Variants in TNXB observed in about 807,000 individuals in gnomAD.
TNXB encodes the protein tenascin-X.
A neutral mutation model predicts 340.5 loss-of-function variants in TNXB; 183 were observed. The observed-to-expected ratio is 0.54, with a 90% CI of 0.48 to 0.61. TNXB has a LOEUF of 0.61. Among genes scored for constraint, TNXB ranks in the 20% least tolerant of loss-of-function variants. The pLI, the probability that TNXB is intolerant of heterozygous loss-of-function variation, is 0.00. For missense variants in TNXB, 4,613 were observed against 5,446.4 expected (o/e 0.85, Z 4.82); for synonymous variants, 2,121 against 2,314.5 (o/e 0.92, Z 2.40).
chr6:32,091,038 C>T (rs1292449975), intron 4 of TNXB, among the ~76,000 whole-genome samples: 1 of 152,198 alleles, frequency 6.6e-6, no homozygotes, highest in Non-Finnish European at 1.5e-5. Flanking sequence ...TGGGAACAGT[C>T]CCCTGAAAGT....
chr6:32,047,939 G>A lies in TNXB; in HGVS notation c.10119C>T (p.Leu3373=). ...VTDATPDSVG[L]SWTVPEGEFD... is the part of the protein sequence containing the mutation. ...ATTCGCCCTCAGGGACCGTCCACGA[G>A]AGGCCCACGGAGTCAGGGGTCGCAT... The change falls in exon 30 of 44, where the codon CTC becomes CTT. Residue 3373 remains leucine, a synonymous_variant. Coordinates refer to ENST00000644971, the MANE Select transcript of TNXB (RefSeq NM_001365276.2). The surrounding 1 kb of genome is among the most constrained non-coding windows in gnomAD (Gnocchi z 6.2). 6.2e-7 allele frequency: 1 copy of A among 1,612,420 alleles called. No individual in the cohort carries two copies.
chr6:32,100,236 C>T lies in TNXB; in HGVS notation c.-8-2030G>A, dbSNP rs918400783. 4.6e-5 allele frequency among the ~76,000 whole-genome samples: 7 copies of T among 152,092 alleles called. No homozygotes were observed. In the East Asian group the frequency reaches 1.2e-3, roughly 25 times the overall value. On this transcript the variant is annotated intron_variant, in intron 1 of 43. Transcript: ENST00000644971. Reference sequence around the variant, plus strand: ...TCTCCTACCTCAGCCTCCTGAGTAGCGGGGATTACAGGCATCTGCTCCCAC... The same window carrying T: ...TCTCCTACCTCAGCCTCCTGAGTAGTGGGGATTACAGGCATCTGCTCCCAC...
chr6:32,052,361 G>C lies in TNXB; in HGVS notation c.9115+309C>G, dbSNP rs1398176402. Among the ~76,000 whole-genome samples, 1 of 151,550 alleles carries C rather than the reference G, an allele frequency of 6.6e-6. No individual in the cohort carries two copies. Among genetic ancestry groups the C allele is most frequent in the African/African-American group, 2.4e-5 (1 of 41,204 alleles). On this transcript the variant is annotated intron_variant, in intron 26 of 43. Coordinates refer to ENST00000644971, the MANE Select transcript of TNXB (RefSeq NM_001365276.2). This position sits in a 1 kb window ranked among gnomAD's most constrained non-coding sequence, Gnocchi z 4.7. ...AGTTACTCAGGAGGCTGAGGTAGGAGAATCACTTGAACCCAGGAGGCGGAG... is the reference window on the plus strand; with the variant it reads ...AGTTACTCAGGAGGCTGAGGTAGGACAATCACTTGAACCCAGGAGGCGGAG...
intron 29 of TNXB, 74 bp from the exon 30 acceptor site, chr6:32,048,086 G>T: frequency 6.6e-7 from 1 of 1,518,566 alleles, no homozygotes; most frequent in Non-Finnish European, 8.9e-7. Context: ...GGCTGCTATG[G>T]CTCTGTGAGC....
At position 32,075,876 on chromosome 6, in the gene TNXB, G is replaced by A. The variant is rs966649231; in HGVS notation, c.4376-1924C>T. ...GTGGCTGGATGGGTGGGGCTCCCAA[G>A]AACTTGTTTCTCTGGCTTCCTCCGG... On this transcript the variant is annotated intron_variant, in intron 11 of 43. Coordinates refer to ENST00000644971, the MANE Select transcript of TNXB (RefSeq NM_001365276.2). This position sits in a 1 kb window ranked among gnomAD's most constrained non-coding sequence, Gnocchi z 4.6. 2.6e-5 allele frequency among the ~76,000 whole-genome samples: 4 copies of A among 152,074 alleles called. No homozygotes were observed. Among genetic ancestry groups the A allele is most frequent in the Non-Finnish European group, 5.9e-5 (4 of 68,036 alleles).
Position 32,064,452 on chromosome 6 carries a change from G to A in TNXB, c.6841+369C>T, listed in dbSNP as rs1778210130. On this transcript the variant is annotated intron_variant, in intron 19 of 43. Transcript: ENST00000644971. This position sits in a 1 kb window ranked among gnomAD's most constrained non-coding sequence, Gnocchi z 5.3. ...TGGTCTCGAACTCCTGACCTCAAGT[G>A]ATCTGCCCCCTTCGGCCTCCCAAAG... 6.6e-6 allele frequency among the ~76,000 whole-genome samples: 1 copy of A among 152,162 alleles called. No individual in the cohort carries two copies. Among genetic ancestry groups the A allele is most frequent in the Non-Finnish European group, 1.5e-5 (1 of 68,030 alleles).
Position 32,068,571 on chromosome 6 carries a change from C to G in TNXB, c.6039G>C (p.Gln2013His). ...LSLSWTVPEG[Q>H]FDHFLVQYRN... Reference sequence around the variant, plus strand: ...TGTACTGGACCAGGAAGTGGTCAAACTGTCCCTCGGGAACTGTCCAGGACA... The same window carrying G: ...TGTACTGGACCAGGAAGTGGTCAAAGTGTCCCTCGGGAACTGTCCAGGACA... Residue 2013 changes from glutamine to histidine, a missense_variant, in exon 17 of 44, where the codon CAG (glutamine) becomes CAC (histidine). Transcript: ENST00000644971. This position sits in a 1 kb window ranked among gnomAD's most constrained non-coding sequence, Gnocchi z 5.3. 2.5e-6 allele frequency: 4 copies of G among 1,614,014 alleles called. No individual in the cohort carries two copies. Among genetic ancestry groups the G allele is most frequent in the Non-Finnish European group, 3.4e-6 (4 of 1,179,902 alleles).
Position 32,060,347 on chromosome 6 carries a change from A to G in TNXB, c.7492+1050T>C, listed in dbSNP as rs1777933949. Among the ~76,000 whole-genome samples the G allele has an allele frequency of 1.3e-5, 2 of 151,690 alleles. 1 individual carries two copies. The highest frequency in any genetic ancestry group is 4.9e-5 in the African/African-American group (2 of 41,042). On this transcript the variant is annotated intron_variant, in intron 21 of 43. Coordinates refer to ENST00000644971, the MANE Select transcript of TNXB (RefSeq NM_001365276.2). Reference sequence around the variant, plus strand: ...AACTTCATCTCAAAAAAAAAAAAGAAGGAAATAAATGAAATAAGCCACAAG... The same window carrying G: ...AACTTCATCTCAAAAAAAAAAAAGAGGGAAATAAATGAAATAAGCCACAAG...
In TNXB at chr6:32,064,465, C is replaced by A. The variant is rs1250771206; in HGVS notation, c.6841+356G>T. 6.6e-6 allele frequency among the ~76,000 whole-genome samples: 1 copy of A among 152,154 alleles called. No homozygotes were observed. The highest frequency in any genetic ancestry group is 1.5e-5 in the Non-Finnish European group (1 of 68,024). Reference sequence around the variant, plus strand: ...CTGACCTCAAGTGATCTGCCCCCTTCGGCCTCCCAAAGTGCTGGGATTACA... The same window carrying A: ...CTGACCTCAAGTGATCTGCCCCCTTAGGCCTCCCAAAGTGCTGGGATTACA... On this transcript the variant is annotated intron_variant, in intron 19 of 43. Coordinates refer to ENST00000644971, the MANE Select transcript of TNXB (RefSeq NM_001365276.2). The surrounding 1 kb of genome is among the most constrained non-coding windows in gnomAD (Gnocchi z 5.3).
rs1777200692 is a variant in TNXB, at chr6:32,050,285, G to A, written c.9152C>T (p.Pro3051Leu). 7.4e-6 allele frequency: 12 copies of A among 1,613,336 alleles called. No homozygotes were observed. The highest frequency in any genetic ancestry group is 1.0e-5 in the Non-Finnish European group (12 of 1,179,816). ...KDEAETTQAV[P>L]TMTPEPPIKP... ...GATGGGGGGCTCAGGGGTCATGGTA[G>A]GCACTGCTTGGGTGGTCTCGGCTTC... is the stretch of plus-strand genomic sequence containing the variant. The change falls in exon 27 of 44, where the codon CCT becomes CTT. Residue 3051 changes from proline to leucine, a missense_variant. This residue lies in a region of TNXB where 4,327 missense variants were observed against 4,859.4 expected (regional missense o/e 0.89). Coordinates refer to ENST00000644971, the MANE Select transcript of TNXB (RefSeq NM_001365276.2).
At position 32,058,028 on chromosome 6, in the gene TNXB, T is replaced by TTCCCCCC; in HGVS notation, c.7825+29_7825+30insGGGGGGA. 6.3e-7 allele frequency: 1 copy of TTCCCCCC among 1,577,130 alleles called. No individual in the cohort carries two copies. The highest frequency in any genetic ancestry group is 8.6e-7 in the Non-Finnish European group (1 of 1,162,944). On this transcript the variant is annotated intron_variant, in intron 22 of 43. Coordinates refer to ENST00000644971, the MANE Select transcript of TNXB (RefSeq NM_001365276.2). This position sits in a 1 kb window ranked among gnomAD's most constrained non-coding sequence, Gnocchi z 5.1. ...AAGGGCACATTTTCTAGGGCTGTCT[T>TTCCCCCC]CCAACCCTGCCCCACCCACACTCAC... is the stretch of plus-strand genomic sequence containing the variant.
chr6:32,072,031 T>A lies in TNXB; in HGVS notation c.4949A>T (p.Asp1650Val). 1 of 1,608,932 alleles carries A rather than the reference T, an allele frequency of 6.2e-7. No individual in the cohort carries two copies. The highest frequency in any genetic ancestry group is 8.5e-7 in the Non-Finnish European group (1 of 1,177,718). The change falls in exon 13 of 44, where the codon GAT (aspartate) becomes GTT (valine). Residue 1650 changes from aspartate (D) to valine (V), a missense_variant. Coordinates refer to ENST00000644971, the MANE Select transcript of TNXB (RefSeq NM_001365276.2). This position sits in a 1 kb window ranked among gnomAD's most constrained non-coding sequence, Gnocchi z 4.4. ...AGAGACTGGGCTGCGTCGTTTCCCA[T>A]CCTGGATCCCAAAGAGCAGGAACTT... ...KYKFLLFGIQ[D>V]GKRRSPVSVE...
Position 32,062,108 on chromosome 6 carries a change from G to A in TNXB, c.7168+49C>T, listed in dbSNP as rs539821757. 1 of 1,573,102 alleles carries A rather than the reference G, an allele frequency of 6.4e-7. No individual in the cohort carries two copies. Among genetic ancestry groups the A allele is most frequent in the African/African-American group, 1.3e-5 (1 of 74,220 alleles). On this transcript the variant is annotated intron_variant, in intron 20 of 43. Transcript: ENST00000644971. The surrounding 1 kb of genome is among the most constrained non-coding windows in gnomAD (Gnocchi z 4.3). ...CACCAGTCATCACCAAAGAGCAAGA[G>A]GGTGACCCTCCCATGGCTCCCACCC...
Position 32,058,202 on chromosome 6 carries a change from C to G in TNXB, c.7681G>C (p.Gly2561Arg), listed in dbSNP as rs370819172. The change falls in exon 22 of 44, where the codon GGG (glycine) becomes CGG (arginine). Residue 2561 changes from glycine to arginine, a missense_variant. Gly to Arg is a moderately radical substitution (Grantham distance 125). This residue lies in a region of TNXB where 4,327 missense variants were observed against 4,859.4 expected (regional missense o/e 0.89). Transcript: ENST00000644971. The surrounding 1 kb of genome is among the most constrained non-coding windows in gnomAD (Gnocchi z 5.1). Reference sequence around the variant, plus strand: ...CCAACACGCACCGCCTGGGGCCGCCCGTCCCTGTCCTTGTACTGCACGGTG... The same window carrying G: ...CCAACACGCACCGCCTGGGGCCGCCGGTCCCTGTCCTTGTACTGCACGGTG... ...SFTVQYKDRD[G>R]RPQAVRVGGQ... 2.5e-6 allele frequency: 4 copies of G among 1,612,442 alleles called. No individual in the cohort carries two copies. The highest frequency in any genetic ancestry group is 4.5e-5 in the East Asian group (2 of 44,868).
chr6:32,099,338 T>A (rs1340710387), intron 1 of TNXB, among the ~76,000 whole-genome samples: 4 of 151,894 alleles, frequency 2.6e-5, no homozygotes, highest in Admixed American at 2.6e-4. Context: ...GCTCAAGTGA[T>A]TTTCCTGCCT....
Position 32,083,906 on chromosome 6 carries a change from C to T in TNXB, c.3445+507G>A, listed in dbSNP as rs1349187584. Among the ~76,000 whole-genome samples, 2 of 152,198 alleles carry T rather than the reference C, an allele frequency of 1.3e-5. No homozygotes were observed. The highest frequency in any genetic ancestry group is 3.8e-4 in the East Asian group (2 of 5,202). ...CAAACTCCTAGCCTCAAGCGATCCT[C>T]CTGCCTTGGCCTCCCAAGGTGCTGG... On this transcript the variant is annotated intron_variant, in intron 8 of 43. Coordinates refer to ENST00000644971, the MANE Select transcript of TNXB (RefSeq NM_001365276.2). This position sits in a 1 kb window ranked among gnomAD's most constrained non-coding sequence, Gnocchi z 4.6.
At position 32,069,046 on chromosome 6, in the gene TNXB, G is replaced by A. The variant is rs748031327; in HGVS notation, c.5678C>T (p.Thr1893Met). ...HLGELTVEEATSHTLHLSWMV... is the reference protein window; with the variant it reads ...HLGELTVEEAMSHTLHLSWMV... Reference sequence around the variant, plus strand: ...CCAGGAGAGATGCAGGGTGTGTGACGTGGCCTCCTCCACTGTCAACTCCCC... The same window carrying A: ...CCAGGAGAGATGCAGGGTGTGTGACATGGCCTCCTCCACTGTCAACTCCCC... Residue 1893 changes from threonine to methionine, a missense_variant, in exon 16 of 44, where the codon ACG (threonine) becomes ATG (methionine). Thr to Met is a moderately conservative substitution (Grantham distance 81). Coordinates refer to ENST00000644971, the MANE Select transcript of TNXB (RefSeq NM_001365276.2). This position sits in a 1 kb window ranked among gnomAD's most constrained non-coding sequence, Gnocchi z 6.2. The A allele has an allele frequency of 1.4e-5, 23 of 1,612,692 alleles. No individual in the cohort carries two copies. Among genetic ancestry groups the A allele is most frequent in the African/African-American group, 1.3e-4 (10 of 74,932 alleles).
At position 32,097,878 on chromosome 6, in the gene TNXB, T is replaced by A; in HGVS notation, c.321A>T (p.Leu107=). 6.4e-7 allele frequency: 1 copy of A among 1,567,598 alleles called. No individual in the cohort carries two copies. Among genetic ancestry groups the A allele is most frequent in the Non-Finnish European group, 8.7e-7 (1 of 1,150,182 alleles). The change falls in exon 2 of 44, where the codon CTA becomes CTT. Residue 107 remains leucine (L), a synonymous_variant. Coordinates refer to ENST00000644971, the MANE Select transcript of TNXB (RefSeq NM_001365276.2). This position sits in a 1 kb window ranked among gnomAD's most constrained non-coding sequence, Gnocchi z 5.9. Reference sequence around the variant, plus strand: ...CCTTCACCAACTCCTCCAGGATCTCTAGACGGACCCTCAGGGCCTGTACCT... The same window carrying A: ...CCTTCACCAACTCCTCCAGGATCTCAAGACGGACCCTCAGGGCCTGTACCT... ...ASEVQALRVR[L]EILEELVKGL... is the part of the protein sequence containing the mutation.
chr6:32,107,891 G>T (rs980843111), intron 1 of TNXB, among the ~76,000 whole-genome samples: 1 of 152,142 alleles, frequency 6.6e-6, no homozygotes, highest in Non-Finnish European at 1.5e-5. Flanking sequence ...AGGGAATGTG[G>T]GGGTCTCAGA....
Sources: gnomAD v4.1 joint callset for allele counts (sites outside exome capture counted in the v4.1 genomes callset) on GRCh38, gnomAD v4.1.1 for gene constraint, gnomAD v4.1.1 regional missense constraint, Gnocchi (gnomAD v3.1) non-coding constraint, MANE v1.5 for transcripts, NCBI Gene and HGNC (gene_info 2026-07-23, HGNC 2026-07-21) for gene names.